The following MATK variants were observed in gnomAD, a reference collection of about 807,000 sequenced individuals.
The protein encoded by MATK is megakaryocyte-associated tyrosine kinase.
Under a neutral mutation model 59.8 loss-of-function variants are expected in MATK, and 41 were observed. That is an observed-to-expected ratio of 0.69 (90% CI 0.53 to 0.89). MATK has a LOEUF of 0.89. MATK is among the 40% of genes least tolerant of loss of function. The probability of loss-of-function intolerance (pLI) is 0.00; values close to 1 mark genes in which losing one functional copy is unlikely to be tolerated. For synonymous variants in MATK, 308 were observed against 306.1 expected (o/e 1.01, Z -0.06); for missense variants, 593 against 719.6 (o/e 0.82, Z 2.01).
At chr19:3,800,411 C>T (rs543126363) in intron 1 of MATK, among the ~76,000 whole-genome samples, 79 of 152,122 alleles carry the variant, frequency 5.2e-4, no homozygotes, top group African/African-American at 1.2e-3. Context: ...TTTGGGAGGC[C>T]GAGGAGGGCG....
At chr19:3,796,452 T>G (rs2037595404) in intron 1 of MATK, among the ~76,000 whole-genome samples, 1 of 152,202 alleles carries the variant, frequency 6.6e-6, no homozygotes, top group East Asian at 1.9e-4. Context: ...CAATTTTTGC[T>G]TAAATGAAAA....
chr19:3,791,764 AC>A (rs1338451736), intron 1 of MATK, among the ~76,000 whole-genome samples: 3 of 151,330 alleles, frequency 2.0e-5, no homozygotes, highest in Admixed American at 2.0e-4. Flanking sequence ...CTAACCCACT[AC>A]TCTCCAAATT....
Position 3,784,888 on chromosome 19 carries a change from G to T in MATK, c.73-4C>A. On this transcript the variant is annotated splice_region_variant and splice_polypyrimidine_tract_variant and intron_variant, in intron 2 of 13. Coordinates refer to ENST00000310132, the MANE Select transcript of MATK (RefSeq NM_139355.3). ...CTCGGAGGAAGCGGGGGCTCACCTG[G>T]GGAGGGGACAGAGTCCAGGTGGGAG... 1 of 1,525,130 alleles carries T rather than the reference G, an allele frequency of 6.6e-7. No individual in the cohort carries two copies. The highest frequency in any genetic ancestry group is 1.2e-5 in the South Asian group (1 of 83,816). The allele number at this position is 1,525,130 out of a possible 1,614,324, so 94.5% of individuals were successfully genotyped here. A position where few individuals can be genotyped will look rare whatever the true frequency, so the allele number is the denominator to read the frequency against.
intron 8 of MATK, among the ~76,000 whole-genome samples, chr19:3,781,102 A>T (rs1262031772): frequency 1.3e-5 from 2 of 152,186 alleles, no homozygotes; most frequent in East Asian, 3.9e-4. Flanking sequence ...TGAGCATTAC[A>T]CAAAATTCAA....
chr19:3,797,819 GTC>G (rs767012643), intron 1 of MATK, among the ~76,000 whole-genome samples: 39 of 152,174 alleles, frequency 2.6e-4, no homozygotes, highest in Middle Eastern at 3.4e-3. Flanking sequence ...AGGCTGATGG[GTC>G]ACCAGAGGTC....
intron 3 of MATK, 139 bp from the exon 4 acceptor site, chr19:3,784,590 A>G: frequency 1.5e-6 from 1 of 664,958 alleles, no homozygotes; most frequent in Middle Eastern, 4.0e-4. Flanking sequence ...AAACAGACGC[A>G]GACATCGGGG....
chr19:3,783,949 G>A lies in MATK; in HGVS notation c.447C>T (p.Ser149=), dbSNP rs754292047. 2.3e-5 allele frequency: 37 copies of A among 1,612,356 alleles called. No individual in the cohort carries two copies. The Admixed American group carries it at 4.0e-4, about 17-fold the overall frequency. The change falls in exon 6 of 14, where the codon TCC becomes TCT. Residue 149 remains serine, a synonymous_variant. Transcript: ENST00000310132. ...GGACGTAGTCGCCGGGGTGGCGCGCGGACTCCCGCACCAGGAACAGCCCAT... is the reference window on the plus strand; with the variant it reads ...GGACGTAGTCGCCGGGGTGGCGCGCAGACTCCCGCACCAGGAACAGCCCAT... ...PEDGLFLVRE[S]ARHPGDYVLC...
intron 1 of MATK, among the ~76,000 whole-genome samples, chr19:3,796,021 CA>C (rs1215138879): frequency 1.3e-5 from 2 of 151,982 alleles, no homozygotes; most frequent in Non-Finnish European, 2.9e-5. Flanking sequence ...CTCGGCCTCC[CA>C]AAGTGCTGGG....
In MATK at chr19:3,780,217, T is replaced by C. The variant is rs138659536; in HGVS notation, c.743-420A>G. 8.7e-3 allele frequency among the ~76,000 whole-genome samples: 1,319 copies of C among 151,346 alleles called. 18 individuals are homozygous for C. Among genetic ancestry groups the C allele is most frequent in the African/African-American group, 0.031 (1,273 of 41,214 alleles). On this transcript the variant is annotated intron_variant, in intron 8 of 13. Transcript: ENST00000310132. ...ATCACTTGAACCCGGGAGGCAGAGG[T>C]TGCAGTGAGCCAAGATTGTGCCATT...
At position 3,778,171 on chromosome 19, in the gene MATK, C is replaced by T; in HGVS notation, c.*12G>A. 6.5e-7 allele frequency: 1 copy of T among 1,545,534 alleles called. No homozygotes were observed. The highest frequency in any genetic ancestry group is 8.7e-7 in the Non-Finnish European group (1 of 1,150,774). On this transcript the variant is annotated 3_prime_UTR_variant, in exon 14 of 14. Coordinates refer to ENST00000310132, the MANE Select transcript of MATK (RefSeq NM_139355.3). ...CTCGGTCCTCTGGGGCCAAGGGCCC[C>T]ACCGGGTGGGGTCAGGGCTCCTGGC...
chr19:3,782,849 G>A (rs774754874), intron 7 of MATK: 8 of 494,264 alleles, frequency 1.6e-5, no homozygotes, highest in Non-Finnish European at 2.9e-5. Context: ...AGGAGGGAAT[G>A]CTGGAGGATG....
chr19:3,800,883 C>T (rs1437680717), intron 1 of MATK, among the ~76,000 whole-genome samples: 2 of 152,056 alleles, frequency 1.3e-5, no homozygotes, highest in African/African-American at 4.8e-5. Flanking sequence ...ATTTTTGAGA[C>T]AGAGTGTCGC....
At chr19:3,786,416 C>T (rs1043574662), upstream of MATK, 113 of 979,558 alleles carry the variant, frequency 1.2e-4, no homozygotes, top group Non-Finnish European at 1.3e-4. This position sits in a 1 kb window ranked among gnomAD's most constrained non-coding sequence, Gnocchi z 4.1. Flanking sequence ...CGCCGCCGGC[C>T]CCTCCCCGCC....
chr19:3,790,387 G>T (rs1365605754), upstream of MATK, among the ~76,000 whole-genome samples: 1 of 152,202 alleles, frequency 6.6e-6, no homozygotes, highest in East Asian at 1.9e-4. Context: ...TCACCCTCCT[G>T]GTGCAGGCTG....
intron 1 of MATK, chr19:3,785,743 C>G (rs2037473561): frequency 6.5e-6 from 1 of 154,290 alleles, no homozygotes; most frequent in Non-Finnish European, 1.4e-5. Flanking sequence ...CGCGCACAAG[C>G]GCTCCACACC....
At chr19:3,787,851 G>A (rs2037503123), upstream of MATK, 1 of 152,044 alleles carries the variant, frequency 6.6e-6, no homozygotes, top group African/African-American at 2.4e-5. Flanking sequence ...TTTGCGGGGA[G>A]CAGAGGCCCA....
rs891458683 is a variant in MATK at position 3,778,042 on chromosome 19, C to A, written c.*141G>T. 1.0e-5 allele frequency: 13 copies of A among 1,253,454 alleles called. No individual in the cohort carries two copies. The African/African-American group carries it at 1.4e-4, about 14-fold the overall frequency. The allele number at this position is 1,253,454 out of a possible 1,614,324, so 77.6% of individuals were successfully genotyped here. ...TGGGGTGTCCACGGGCCGCCCAGAGCCCCCTACGTGGGCCAGCCCCTGCTG... is the reference window on the plus strand; with the variant it reads ...TGGGGTGTCCACGGGCCGCCCAGAGACCCCTACGTGGGCCAGCCCCTGCTG... On this transcript the variant is annotated 3_prime_UTR_variant, in exon 14 of 14. Transcript: ENST00000310132.
rs1408178088 is a variant in MATK, at chr19:3,792,524, T to TG, written c.-57-3121_-57-3120insC. 6.9e-5 allele frequency among the ~76,000 whole-genome samples: 10 copies of TG among 145,480 alleles called. No individual in the cohort carries two copies. In the Admixed American group the frequency reaches 6.9e-4, roughly 10 times the overall value. On this transcript the variant is annotated intron_variant, in intron 1 of 13. Coordinates refer to the MATK transcript ENST00000395045. ...AATTTCCAACTCTTTTTTTTTTTTT[T>TG]TTTTTTTGAGATGGAGTCTCGCTCT...
chr19:3,779,335 C>T (rs2037363934), intron 11 of MATK, 43 bp downstream of exon 11: 1 of 1,605,272 alleles, frequency 6.2e-7, no homozygotes, highest in East Asian at 2.2e-5. Flanking sequence ...GAATCTGCGC[C>T]CCGACGACCC....
Sources: gnomAD v4.1 joint callset for allele counts (sites outside exome capture counted in the v4.1 genomes callset) on GRCh38, gnomAD v4.1.1 for gene constraint, Gnocchi (gnomAD v3.1) non-coding constraint, MANE v1.5 for transcripts, NCBI Gene and HGNC (gene_info 2026-07-23, HGNC 2026-07-21) for gene names.